Variants in ERBB4 observed in about 807,000 individuals in gnomAD.
ERBB4 encodes receptor tyrosine-protein kinase erbB-4.
A neutral mutation model predicts 158.0 loss-of-function variants in ERBB4; 42 were observed. The ratio of observed to expected loss-of-function variants is 0.27; its 90% CI spans 0.21 to 0.34. The LOEUF (loss-of-function observed/expected upper bound fraction) is 0.34, where lower values mean the gene tolerates loss of function less well. ERBB4 is among the 10% of genes least tolerant of loss of function. The probability of loss-of-function intolerance (pLI) is 1.00; values close to 1 mark genes in which losing one functional copy is unlikely to be tolerated. For synonymous variants in ERBB4, 583 were observed against 558.7 expected (o/e 1.04, Z -0.61); for missense variants, 1,333 against 1,624.1 (o/e 0.82, Z 3.08).
intron 25 of ERBB4, among the ~76,000 whole-genome samples, chr2:211,417,693 TTC>T (rs1249558152): frequency 6.6e-6 from 1 of 152,194 alleles, no homozygotes; most frequent in Non-Finnish European, 1.5e-5. Context: ...AAAAAATTAC[TTC>T]TGTCTTTATT....
intron 1 of ERBB4, among the ~76,000 whole-genome samples, chr2:212,125,770 T>G (rs553442441): frequency 3.7e-4 from 56 of 152,376 alleles, no homozygotes; most frequent in African/African-American, 1.3e-3. Context: ...TATGGCTGCA[T>G]AGTATTCCAT....
At chr2:212,196,354 A>C (rs1455814035) in intron 1 of ERBB4, among the ~76,000 whole-genome samples, 1 of 152,096 alleles carries the variant, frequency 6.6e-6, no homozygotes, top group African/African-American at 2.4e-5. Context: ...TCATCTTTAT[A>C]ATGAGTATGC....
At chr2:211,680,776 A>T (rs1008489798) in intron 12 of ERBB4, among the ~76,000 whole-genome samples, 2 of 152,204 alleles carry the variant, frequency 1.3e-5, no homozygotes, top group Admixed American at 1.3e-4. Context: ...TCTATCAACA[A>T]ATCTTGCTAC....
intron 13 of ERBB4, among the ~76,000 whole-genome samples, chr2:211,678,326 A>G (rs1162118068): frequency 6.6e-6 from 1 of 151,606 alleles, no homozygotes; most frequent in African/African-American, 2.4e-5. Flanking sequence ...AACAAAAAAA[A>G]AAAAACAAGA....
chr2:211,957,179 T>C (rs1015139256), intron 2 of ERBB4, among the ~76,000 whole-genome samples: 7 of 152,014 alleles, frequency 4.6e-5, no homozygotes, highest in African/African-American at 1.7e-4. Flanking sequence ...TACCTCAGAA[T>C]GGGACTGTAT....
chr2:211,778,029 C>T (rs1193826500), intron 4 of ERBB4, among the ~76,000 whole-genome samples: 1 of 152,142 alleles, frequency 6.6e-6, no homozygotes, highest in Non-Finnish European at 1.5e-5. Flanking sequence ...GAATTCAAAA[C>T]CACGAAAATT....
chr2:211,828,329 G>A (rs576683979), intron 3 of ERBB4, among the ~76,000 whole-genome samples: 3 of 151,918 alleles, frequency 2.0e-5, no homozygotes, highest in Admixed American at 1.3e-4. Flanking sequence ...TATCATTTTC[G>A]CACCAGAAGA....
chr2:211,992,565 G>GGA (rs56400627), intron 2 of ERBB4, among the ~76,000 whole-genome samples: 47,386 of 122,064 alleles, frequency 0.39, 9,956 homozygotes, highest in Non-Finnish European at 0.53. Flanking sequence ...GAGAGAGAGA[G>GGA]AGAAAAAAAA....
chr2:211,415,107 C>CTTTTTTTTTTTTTTTTTTTTTTTT, intron 25 of ERBB4, among the ~76,000 whole-genome samples: 1 of 72,506 alleles, frequency 1.4e-5, no homozygotes, highest in Non-Finnish European at 2.5e-5. Flanking sequence ...CTTACATTTT[C>CTTTTTTTTTTTTTTTTTTTTTTTT]TTTTTTTTTT....
At chr2:212,458,683 A>T (rs1354014521) in intron 1 of ERBB4, among the ~76,000 whole-genome samples, 2 of 152,072 alleles carry the variant, frequency 1.3e-5, no homozygotes, top group Non-Finnish European at 2.9e-5. Flanking sequence ...GAGATGCTGG[A>T]GGGACTGATT....
chr2:211,857,298 G>T (rs1037359838), intron 3 of ERBB4, among the ~76,000 whole-genome samples: 1 of 151,966 alleles, frequency 6.6e-6, no homozygotes, highest in Non-Finnish European at 1.5e-5. Context: ...CCAATTAAAA[G>T]AAAAAATTTC....
intron 1 of ERBB4, among the ~76,000 whole-genome samples, chr2:212,227,440 G>A (rs1203116328): frequency 1.3e-5 from 2 of 152,042 alleles, no homozygotes; most frequent in African/African-American, 4.8e-5. Flanking sequence ...ATATTCATGA[G>A]GTGTTAATCT....
At chr2:211,462,332 G>A (rs1475575607) in intron 20 of ERBB4, among the ~76,000 whole-genome samples, 1 of 152,014 alleles carries the variant, frequency 6.6e-6, no homozygotes, top group African/African-American at 2.4e-5. Context: ...TCCAACATTG[G>A]GGATTACAAT....
At chr2:212,537,848 G>A (rs893579259) in intron 1 of ERBB4, among the ~76,000 whole-genome samples, 2 of 152,008 alleles carry the variant, frequency 1.3e-5, no homozygotes, top group Non-Finnish European at 2.9e-5. Context: ...CAGAACTCCG[G>A]GCCCCGGACC....
chr2:212,327,711 T>C (rs945891083), intron 1 of ERBB4, among the ~76,000 whole-genome samples: 1 of 114,236 alleles, frequency 8.8e-6, no homozygotes, highest in South Asian at 3.2e-4. Flanking sequence ...TAACGATTCT[T>C]TTTTTTTTCT....
At chr2:211,920,262 A>G (rs1314022366) in intron 3 of ERBB4, among the ~76,000 whole-genome samples, 7 of 151,986 alleles carry the variant, frequency 4.6e-5, no homozygotes, top group Admixed American at 1.3e-4. Flanking sequence ...TGGATTTGTT[A>G]CTAAATTCTT....
chr2:212,203,750 A>T (rs2082655623), intron 1 of ERBB4, among the ~76,000 whole-genome samples: 1 of 152,208 alleles, frequency 6.6e-6, no homozygotes, highest in Non-Finnish European at 1.5e-5. Context: ...GAAGAAGGCA[A>T]TAAGTCACTA....
chr2:212,393,882 C>A (rs538499270), intron 1 of ERBB4, among the ~76,000 whole-genome samples: 1 of 152,170 alleles, frequency 6.6e-6, no homozygotes, highest in Non-Finnish European at 1.5e-5. Context: ...GTCATTTGTT[C>A]CACTTCTAGG....
intron 2 of ERBB4, among the ~76,000 whole-genome samples, chr2:212,007,494 T>C (rs932413522): frequency 1.3e-5 from 2 of 151,842 alleles, no homozygotes; most frequent in East Asian, 1.9e-4. Context: ...AAATCAATAT[T>C]TTTATTCTGT....
Sources: gnomAD v4.1 joint callset for allele counts (sites outside exome capture counted in the v4.1 genomes callset) on GRCh38, gnomAD v4.1.1 for gene constraint, MANE v1.5 for transcripts, NCBI Gene and HGNC (gene_info 2026-07-23, HGNC 2026-07-21) for gene names.